The following RABGAP1L variants were observed in gnomAD, a reference collection of about 807,000 sequenced individuals.
The protein encoded by RABGAP1L is RAB GTPase activating protein 1 like.
RABGAP1L carries 63 observed loss-of-function variants against 137.7 expected under a neutral mutation model. The observed-to-expected ratio is 0.46, with a 90% CI of 0.37 to 0.56. The LOEUF (loss-of-function observed/expected upper bound fraction) is 0.56. Among genes scored for constraint, RABGAP1L ranks in the 20% least tolerant of loss-of-function variants. RABGAP1L has a pLI of 0.00. For synonymous variants in RABGAP1L, 431 were observed against 433.7 expected, an observed-to-expected ratio of 0.99 and a Z score of 0.08; for missense variants, 1,095 against 1,244.0, an observed-to-expected ratio of 0.88 and a Z score of 1.80.
chr1:174,598,069 G>A (rs919657694), intron 13 of RABGAP1L, among the ~76,000 whole-genome samples: 15 of 152,012 alleles, frequency 9.9e-5, no homozygotes, highest in Non-Finnish European at 1.8e-4. Context: ...GGTGGCTCAC[G>A]GCTGTAATCC....
intron 12 of RABGAP1L, among the ~76,000 whole-genome samples, chr1:174,379,485 C>T (rs1349488090): frequency 7.4e-6 from 1 of 135,842 alleles, no homozygotes; most frequent in Non-Finnish European, 1.5e-5. Context: ...TGTAGTTCTC[C>T]TTGAAGAGGT....
rs373474076 is a variant in RABGAP1L at position 174,304,868 on chromosome 1, G to C, written c.1324-118G>C. The C allele has an allele frequency of 7.5e-5, 69 of 920,764 alleles. No homozygotes were observed. The African/African-American group carries it at 9.4e-4, about 13-fold the overall frequency. The allele number at this position is 920,764 out of a possible 1,614,324, so 57.0% of individuals were successfully genotyped here. A position where few individuals can be genotyped will look rare whatever the true frequency, so the allele number is the denominator to read the frequency against. Reference sequence around the variant, plus strand: ...TTTTCAGAACCTCAGACATGCTGTAGATCAAACACAACACGCCATTCTTCA... The same window carrying C: ...TTTTCAGAACCTCAGACATGCTGTACATCAAACACAACACGCCATTCTTCA... On this transcript the variant is annotated intron_variant, in intron 10 of 25. Coordinates refer to ENST00000681986, the MANE Select transcript of RABGAP1L (RefSeq NM_001366446.1).
chr1:174,908,678 G>T (rs1216187330), intron 19 of RABGAP1L, among the ~76,000 whole-genome samples: 1 of 150,710 alleles, frequency 6.6e-6, no homozygotes, highest in African/African-American at 2.4e-5. Flanking sequence ...GAGTGGCTGG[G>T]ATTACAGGTG....
chr1:174,957,569 C>T lies in RABGAP1L; in HGVS notation c.2433+20C>T. Reference sequence around the variant, plus strand: ...TACAAGGTATGAGAAATATGTTGCACCTATCAAAGTACCTTCTTTTTTGTT... The same window carrying T: ...TACAAGGTATGAGAAATATGTTGCATCTATCAAAGTACCTTCTTTTTTGTT... On this transcript the variant is annotated intron_variant, in intron 20 of 25. Transcript: ENST00000681986. The T allele has an allele frequency of 6.4e-7, 1 of 1,567,874 alleles. No homozygotes were observed. The highest frequency in any genetic ancestry group is 8.8e-7 in the Non-Finnish European group (1 of 1,138,712).
At chr1:174,762,836 A>G (rs1318489180) in intron 18 of RABGAP1L, among the ~76,000 whole-genome samples, 1 of 110,542 alleles carries the variant, frequency 9.0e-6, no homozygotes, top group Non-Finnish European at 1.7e-5. Flanking sequence ...TTTTTTTAAG[A>G]TAGATTCTAG....
intron 13 of RABGAP1L, among the ~76,000 whole-genome samples, chr1:174,543,130 T>G (rs142531097): frequency 0.079 from 12,064 of 152,204 alleles, 670 homozygotes; most frequent in East Asian, 0.32. Context: ...CAGAGCTGAG[T>G]TCAATTCCTG....
intron 13 of RABGAP1L, among the ~76,000 whole-genome samples, chr1:174,529,396 C>A (rs1199401692): frequency 6.6e-6 from 1 of 152,054 alleles, no homozygotes. Flanking sequence ...TGCATGATTT[C>A]TTTAATTGTA....
chr1:174,363,713 T>C (rs78895971), intron 11 of RABGAP1L, among the ~76,000 whole-genome samples: 1 of 152,096 alleles, frequency 6.6e-6, no homozygotes, highest in African/African-American at 2.4e-5. Context: ...TATATTGAGG[T>C]ATATTTCTTC....
intron 18 of RABGAP1L, among the ~76,000 whole-genome samples, chr1:174,806,537 G>A (rs1160645478): frequency 6.6e-6 from 1 of 152,214 alleles, no homozygotes; most frequent in Non-Finnish European, 1.5e-5. Context: ...AAGCCCAGGA[G>A]TTTGAGGCTC....
chr1:174,253,146 T>C (rs935281312), intron 7 of RABGAP1L, among the ~76,000 whole-genome samples: 1 of 152,034 alleles, frequency 6.6e-6, no homozygotes, highest in Non-Finnish European at 1.5e-5. Flanking sequence ...TTCTTAACAA[T>C]TGGCAGAAAG....
At chr1:174,478,338 A>G (rs1658726824) in intron 13 of RABGAP1L, among the ~76,000 whole-genome samples, 1 of 151,898 alleles carries the variant, frequency 6.6e-6, no homozygotes, top group African/African-American at 2.4e-5. Context: ...TAGTGCAGTC[A>G]TAGCTCACTG....
At chr1:174,562,091 T>C (rs1667255013) in intron 13 of RABGAP1L, among the ~76,000 whole-genome samples, 1 of 152,118 alleles carries the variant, frequency 6.6e-6, no homozygotes, top group African/African-American at 2.4e-5. Flanking sequence ...GGAGAAAATT[T>C]TTGCAATCTA....
chr1:174,701,641 G>A (rs943246652), intron 16 of RABGAP1L, among the ~76,000 whole-genome samples: 2 of 151,866 alleles, frequency 1.3e-5, no homozygotes, highest in African/African-American at 4.8e-5. Context: ...TACTTGGAAG[G>A]CTGAGGCAGG....
At chr1:174,763,080 G>T (rs182742557) in intron 18 of RABGAP1L, among the ~76,000 whole-genome samples, 1 of 151,724 alleles carries the variant, frequency 6.6e-6, no homozygotes, top group Non-Finnish European at 1.5e-5. Flanking sequence ...CTCCCAAAGC[G>T]CTAGGATTAC....
chr1:174,213,340 A>G (rs975438717), intron 1 of RABGAP1L, among the ~76,000 whole-genome samples: 1 of 152,110 alleles, frequency 6.6e-6, no homozygotes, highest in Non-Finnish European at 1.5e-5. Context: ...CAGGATAATC[A>G]CTTGAACCTG....
intron 13 of RABGAP1L, among the ~76,000 whole-genome samples, chr1:174,610,140 G>A (rs1321254475): frequency 6.7e-6 from 1 of 150,058 alleles, no homozygotes; most frequent in East Asian, 2.0e-4. Context: ...GTGCCATGCT[G>A]GTGTGCTGCA....
At chr1:174,874,402 C>A in intron 19 of RABGAP1L, 1 of 917,384 alleles carries the variant, frequency 1.1e-6, no homozygotes, top group Non-Finnish European at 1.3e-6. Context: ...AAATGACTTG[C>A]CCGGGGACGG....
chr1:174,341,416 A>G (rs1681961005), intron 11 of RABGAP1L, among the ~76,000 whole-genome samples: 1 of 152,206 alleles, frequency 6.6e-6, no homozygotes, highest in Non-Finnish European at 1.5e-5. Context: ...TGATTTCTTT[A>G]TCAACACTTC....
chr1:174,786,375 C>T (rs759761637), intron 18 of RABGAP1L, among the ~76,000 whole-genome samples: 1 of 152,192 alleles, frequency 6.6e-6, no homozygotes, highest in Non-Finnish European at 1.5e-5. Context: ...CATCAACACC[C>T]ATACTCTGTT....
Sources: allele counts gnomAD v4.1 joint callset (sites outside exome capture counted in the v4.1 genomes callset), GRCh38; gene constraint gnomAD v4.1.1; transcripts MANE v1.5; gene names NCBI Gene and HGNC (gene_info 2026-07-23, HGNC 2026-07-21).